The following ST6GALNAC3 variants were observed in gnomAD, a reference collection of about 807,000 sequenced individuals.
ST6GALNAC3 encodes the protein alpha-N-acetylgalactosaminide alpha-2,6-sialyltransferase 3.
A neutral mutation model predicts 32.7 loss-of-function variants in ST6GALNAC3; 25 were observed. The observed-to-expected ratio is 0.76, with a 90% CI of 0.56 to 1.07. ST6GALNAC3 has a LOEUF of 1.07. Among genes scored for constraint, ST6GALNAC3 ranks in the 50% least tolerant of loss-of-function variants. The probability of loss-of-function intolerance (pLI) is 0.00; values close to 1 mark genes in which losing one functional copy is unlikely to be tolerated. For missense variants in ST6GALNAC3, 355 were observed against 382.4 expected (o/e 0.93, Z 0.60); for synonymous variants, 129 against 133.1 (o/e 0.97, Z 0.21).
At position 76,321,855 on chromosome 1, in the gene ST6GALNAC3, C is replaced by T. The variant is rs183458523; in HGVS notation, c.213+7856C>T. On this transcript the variant is annotated intron_variant, in intron 2 of 4. Coordinates refer to ENST00000328299, the MANE Select transcript of ST6GALNAC3 (RefSeq NM_152996.4). ...ACTCAACTGATAAATCATATAGTTT[C>T]ATTATAATTGTTAGATGAAAATTTC... Among the ~76,000 whole-genome samples, 514 of 152,298 alleles carry T rather than the reference C, an allele frequency of 3.4e-3. 3 individuals carry two copies. Among genetic ancestry groups the T allele is most frequent in the African/African-American group, 0.012 (498 of 41,562 alleles).
intron 1 of ST6GALNAC3, among the ~76,000 whole-genome samples, chr1:76,149,982 A>C (rs1425033457): frequency 6.6e-6 from 1 of 152,152 alleles, no homozygotes; most frequent in Non-Finnish European, 1.5e-5. Context: ...GATTCCTCCT[A>C]GGAGGGACAT....
At position 76,135,108 on chromosome 1, in the gene ST6GALNAC3, C is replaced by T. The variant is rs188756239; in HGVS notation, c.18+60224C>T. 3.4e-4 allele frequency among the ~76,000 whole-genome samples: 51 copies of T among 151,940 alleles called. No homozygotes were observed. In the South Asian group the frequency reaches 6.0e-3, roughly 18 times the overall value. ...AGTGAGCCAAGATCGCACCACTGAA[C>T]TCTAGCCTGGGCAATAGAGCGAGAC... On this transcript the variant is annotated intron_variant, in intron 1 of 4. Coordinates refer to ENST00000328299, the MANE Select transcript of ST6GALNAC3 (RefSeq NM_152996.4).
intron 1 of ST6GALNAC3, among the ~76,000 whole-genome samples, chr1:76,207,513 G>A (rs1654887305): frequency 6.6e-6 from 1 of 152,228 alleles, no homozygotes. Flanking sequence ...AGGTCTAAAA[G>A]CATGGCACTG....
At chr1:76,442,287 G>C (rs756119389) in intron 3 of ST6GALNAC3, among the ~76,000 whole-genome samples, 8 of 152,160 alleles carry the variant, frequency 5.3e-5, no homozygotes, top group Non-Finnish European at 1.0e-4. Context: ...TCCCCCATCA[G>C]TTGATGTGTA....
chr1:76,268,261 A>C (rs1249017106), intron 1 of ST6GALNAC3, among the ~76,000 whole-genome samples: 1 of 152,218 alleles, frequency 6.6e-6, no homozygotes, highest in African/African-American at 2.4e-5. Context: ...ATTTGCCATT[A>C]ATTTCACTAA....
chr1:76,510,485 C>T (rs1482862346), intron 3 of ST6GALNAC3, among the ~76,000 whole-genome samples: 2 of 152,002 alleles, frequency 1.3e-5, no homozygotes, highest in Admixed American at 6.5e-5. Flanking sequence ...GGTATGGAAC[C>T]AGAGAGACGG....
At position 76,345,986 on chromosome 1, in the gene ST6GALNAC3, A is replaced by T. The variant is rs1465427115; in HGVS notation, c.213+31987A>T. On this transcript the variant is annotated intron_variant, in intron 2 of 4. Coordinates refer to ENST00000328299, the MANE Select transcript of ST6GALNAC3 (RefSeq NM_152996.4). Reference sequence around the variant, plus strand: ...CTTCTTCCTTTGCTTCTTAAGCAAAAGTCTCCCATGGCCACCCCCTATAAA... The same window carrying T: ...CTTCTTCCTTTGCTTCTTAAGCAAATGTCTCCCATGGCCACCCCCTATAAA... Among the ~76,000 whole-genome samples the T allele has an allele frequency of 2.6e-5, 4 of 152,002 alleles. No individual in the cohort carries two copies. The East Asian group carries it at 7.7e-4, about 29-fold the overall frequency.
At position 76,415,953 on chromosome 1, in the gene ST6GALNAC3, A is replaced by G. The variant is rs569622856; in HGVS notation, c.623+3536A>G. Among the ~76,000 whole-genome samples the G allele has an allele frequency of 9.2e-5, 14 of 151,722 alleles. No individual in the cohort carries two copies. In the East Asian group the frequency reaches 2.7e-3, roughly 29 times the overall value. ...GTTTTAAGTTTACATCCTCTATCTT[A>G]TATCTGTTCCTTCTTTTTACCATGC... On this transcript the variant is annotated intron_variant, in intron 3 of 4. Coordinates refer to ENST00000328299, the MANE Select transcript of ST6GALNAC3 (RefSeq NM_152996.4).
intron 1 of ST6GALNAC3, among the ~76,000 whole-genome samples, chr1:76,288,295 T>TG (rs779014373): frequency 9.8e-5 from 15 of 152,304 alleles, no homozygotes; most frequent in Middle Eastern, 3.4e-3. Context: ...CAATTTTGTG[T>TG]TTGTGGTCCA....
intron 1 of ST6GALNAC3, chr1:76,142,828 TTTTTTTC>T (rs1557650619): frequency 2.2e-6 from 1 of 452,256 alleles, no homozygotes; most frequent in South Asian, 1.6e-5. Flanking sequence ...CCTGCCTTTT[TTTTTTTC>T]TTTTAAATTT....
At chr1:76,529,346 C>G (rs1479449996) in intron 3 of ST6GALNAC3, among the ~76,000 whole-genome samples, 1 of 152,088 alleles carries the variant, frequency 6.6e-6, no homozygotes, top group Non-Finnish European at 1.5e-5. Context: ...GGAACCTTTT[C>G]TGTCTCACAT....
intron 1 of ST6GALNAC3, among the ~76,000 whole-genome samples, chr1:76,293,079 T>C (rs1660190185): frequency 6.6e-6 from 1 of 152,230 alleles, no homozygotes; most frequent in Admixed American, 6.5e-5. Flanking sequence ...CCTGGTCAAC[T>C]AAAACCTCAG....
At chr1:76,114,931 A>AG (rs1389247060) in intron 1 of ST6GALNAC3, among the ~76,000 whole-genome samples, 1 of 151,668 alleles carries the variant, frequency 6.6e-6, no homozygotes, top group Non-Finnish European at 1.5e-5. Context: ...AAAAAAAAAA[A>AG]AAAGAAAAAG....
At position 76,475,250 on chromosome 1, in the gene ST6GALNAC3, G is replaced by T. The variant is rs190490606; in HGVS notation, c.623+62833G>T. Among the ~76,000 whole-genome samples, 60 of 152,280 alleles carry T rather than the reference G, an allele frequency of 3.9e-4. No individual in the cohort carries two copies. The East Asian group carries it at 5.0e-3, about 13-fold the overall frequency. ...GCTACAGTGTAGTGTAGCGGCTTAC[G>T]CTCTGTGGTCAGCAAGAACTGAGTT... On this transcript the variant is annotated intron_variant, in intron 3 of 4. Transcript: ENST00000328299.
At chr1:76,576,324 TG>T (rs992409392) in intron 3 of ST6GALNAC3, among the ~76,000 whole-genome samples, 7 of 152,210 alleles carry the variant, frequency 4.6e-5, no homozygotes, top group African/African-American at 1.7e-4. Context: ...GTAGACACTG[TG>T]GAAAATGAAG....
At chr1:76,101,415 A>G (rs1159563128) in intron 1 of ST6GALNAC3, among the ~76,000 whole-genome samples, 1 of 152,152 alleles carries the variant, frequency 6.6e-6, no homozygotes, top group Non-Finnish European at 1.5e-5. Context: ...CTCCTACTGA[A>G]GGCCAGCTTG....
chr1:76,208,061 G>T (rs148204311), intron 1 of ST6GALNAC3, among the ~76,000 whole-genome samples: 2 of 140,388 alleles, frequency 1.4e-5, no homozygotes, highest in Non-Finnish European at 3.1e-5. Flanking sequence ...CCAAAAAATA[G>T]TTCACCCAGA....
intron 2 of ST6GALNAC3, among the ~76,000 whole-genome samples, chr1:76,345,791 C>T (rs1054188325): frequency 2.6e-5 from 4 of 152,044 alleles, no homozygotes; most frequent in Non-Finnish European, 5.9e-5. Flanking sequence ...AGACAGTATG[C>T]CCCTCCCACT....
intron 2 of ST6GALNAC3, among the ~76,000 whole-genome samples, chr1:76,321,866 T>G (rs1646973700): frequency 6.6e-6 from 1 of 152,246 alleles, no homozygotes; most frequent in Non-Finnish European, 1.5e-5. Flanking sequence ...ATTATAATTG[T>G]TAGATGAAAA....
Sources: gnomAD v4.1 joint callset for allele counts (sites outside exome capture counted in the v4.1 genomes callset) on GRCh38, gnomAD v4.1.1 for gene constraint, MANE v1.5 for transcripts, NCBI Gene and HGNC (gene_info 2026-07-23, HGNC 2026-07-21) for gene names.